The following RPH3A variants were observed in gnomAD, a reference collection of about 807,000 sequenced individuals.
RPH3A encodes the protein rabphilin-3A.
A neutral mutation model predicts 102.2 loss-of-function variants in RPH3A; 48 were observed. That is an observed-to-expected ratio of 0.47 (90% CI 0.37 to 0.60). The LOEUF is 0.60. Among genes scored for constraint, RPH3A ranks in the 20% least tolerant of loss-of-function variants. The pLI is 0.00. For synonymous variants in RPH3A, 310 were observed against 324.3 expected, an observed-to-expected ratio of 0.96 and a Z score of 0.47; for missense variants, 781 against 910.1, an observed-to-expected ratio of 0.86 and a Z score of 1.83.
At chr12:112,618,735 T>C (rs1187356162) in intron 1 of RPH3A, among the ~76,000 whole-genome samples, 2 of 152,232 alleles carry the variant, frequency 1.3e-5, no homozygotes, top group African/African-American at 4.8e-5. Context: ...AATTTGTCCA[T>C]GTAAAGCGAG....
chr12:112,735,652 C>A (rs1239149366), intron 1 of RPH3A, among the ~76,000 whole-genome samples: 1 of 152,136 alleles, frequency 6.6e-6, no homozygotes, highest in African/African-American at 2.4e-5. Flanking sequence ...CTTGAGCCTG[C>A]CAGAGTTAGG....
rs2136237963 is a variant in RPH3A, at chr12:112,876,824, G to A, written c.1129G>A (p.Glu377Lys). 6.2e-7 allele frequency: 1 copy of A among 1,609,112 alleles called. No individual in the cohort carries two copies. Among genetic ancestry groups the A allele is most frequent in the East Asian group, 2.2e-5 (1 of 44,662 alleles). The change falls in exon 13 of 22, where the codon GAG becomes AAG. Residue 377 changes from glutamate (E) to lysine (K), a missense_variant. This residue lies in a region of RPH3A where 730 missense variants were observed against 810.0 expected (regional missense o/e 0.90). Transcript: ENST00000389385. ...AGCCCGCCAGCCACCACCCCCAGAG[G>A]AGGAGGAAGAGGAAGCCAACAGCTA... is the stretch of plus-strand genomic sequence containing the variant. ...AAARQPPPPE[E>K]EEEEANSYDS... is the part of the protein sequence containing the mutation.
chr12:112,705,006 G>C (rs2040418906), intron 1 of RPH3A, among the ~76,000 whole-genome samples: 1 of 152,170 alleles, frequency 6.6e-6, no homozygotes, highest in Non-Finnish European at 1.5e-5. Flanking sequence ...TAGGTAGTTT[G>C]CTTCTGTCTC....
intron 1 of RPH3A, among the ~76,000 whole-genome samples, chr12:112,663,167 G>A (rs1473609299): frequency 1.3e-5 from 2 of 151,808 alleles, no homozygotes; most frequent in Non-Finnish European, 2.9e-5. Flanking sequence ...TGATCTGAGT[G>A]AAACATATAC....
chr12:112,781,247 G>T (rs1232275839), intron 1 of RPH3A, among the ~76,000 whole-genome samples: 1 of 152,094 alleles, frequency 6.6e-6, no homozygotes, highest in East Asian at 1.9e-4. Flanking sequence ...GAACTTACCT[G>T]GTTCCCTTGG....
chr12:112,843,194 C>T (rs554605286), intron 4 of RPH3A, among the ~76,000 whole-genome samples: 45 of 152,310 alleles, frequency 3.0e-4, no homozygotes, highest in Non-Finnish European at 6.0e-4. Context: ...GTGCCCACAT[C>T]GCTCCTCGAC....
chr12:112,663,350 C>T (rs1271655874), intron 1 of RPH3A, among the ~76,000 whole-genome samples: 2 of 151,902 alleles, frequency 1.3e-5, no homozygotes, highest in African/African-American at 4.8e-5. Flanking sequence ...GCTGGCACTA[C>T]AGGTGTGTGT....
chr12:112,677,210 G>A lies in RPH3A; in HGVS notation c.-140+101891G>A, dbSNP rs142075772. Among the ~76,000 whole-genome samples, 37 of 152,294 alleles carry A rather than the reference G, an allele frequency of 2.4e-4. No individual in the cohort carries two copies. The East Asian group carries it at 7.1e-3, about 29-fold the overall frequency. On this transcript the variant is annotated intron_variant, in intron 1 of 21. Coordinates refer to the RPH3A transcript ENST00000543106. ...TGTGGAACAGGCCTTGCTTACAAGT[G>A]CGGCAAACAGGACCCAGCTCTCATC... is the stretch of plus-strand genomic sequence containing the variant.
chr12:112,787,096 C>G (rs2041056546), upstream of RPH3A, among the ~76,000 whole-genome samples: 2 of 152,198 alleles, frequency 1.3e-5, no homozygotes, highest in African/African-American at 4.8e-5. Flanking sequence ...CCTTTCCTCT[C>G]TGACTCTGGC....
At chr12:112,831,659 C>T (rs982308586) in intron 3 of RPH3A, 2 of 339,292 alleles carry the variant, frequency 5.9e-6, no homozygotes, top group Non-Finnish European at 5.9e-6. Context: ...TCCTGAAGTA[C>T]AGCTTTTCAT....
At chr12:112,891,563 A>T (rs1209780435) in intron 19 of RPH3A, among the ~76,000 whole-genome samples, 1 of 152,222 alleles carries the variant, frequency 6.6e-6, no homozygotes, top group Non-Finnish European at 1.5e-5. Flanking sequence ...GGAAGTCTGC[A>T]GGGAGTCAGG....
Position 112,761,446 on chromosome 12 carries a change from G to A in RPH3A, c.-139-30697G>A, listed in dbSNP as rs376916345. Among the ~76,000 whole-genome samples, 12 of 152,372 alleles carry A rather than the reference G, an allele frequency of 7.9e-5. No homozygotes were observed. The East Asian group carries it at 1.7e-3, about 22-fold the overall frequency. On this transcript the variant is annotated intron_variant, in intron 1 of 21. Coordinates refer to the RPH3A transcript ENST00000543106. ...GCAATCCCCCTCTTTCTGCCAGCAG[G>A]CAACACTATGGTGTGAGCCCTGTTC...
At position 112,712,993 on chromosome 12, in the gene RPH3A, G is replaced by GTCTTCCTCTTCCTCTTCC. The variant is rs200802149; in HGVS notation, c.-139-79132_-139-79115dup. Among the ~76,000 whole-genome samples the GTCTTCCTCTTCCTCTTCC allele has an allele frequency of 2.5e-4, 15 of 59,012 alleles. 2 individuals are homozygous for GTCTTCCTCTTCCTCTTCC. In the Middle Eastern group the frequency reaches 0.023, roughly 91 times the overall value. The allele number at this position is 59,012 out of a possible 152,430, so 38.7% of individuals were successfully genotyped here. A position where few individuals can be genotyped will look rare whatever the true frequency, so the allele number is the denominator to read the frequency against. On this transcript the variant is annotated intron_variant, in intron 1 of 21. Coordinates refer to the RPH3A transcript ENST00000543106. ...TTCTTCTTTCTTCTTCGTCGTCTTTGTCTTCCTCTTCCTCTTCCTCTTCCT... is the reference window on the plus strand; with the variant it reads ...TTCTTCTTTCTTCTTCGTCGTCTTTGTCTTCCTCTTCCTCTTCCTCTTCCTCTTCCTCTTCCTCTTCCT...
intron 5 of RPH3A, among the ~76,000 whole-genome samples, chr12:112,851,794 G>A (rs1162238860): frequency 1.3e-5 from 2 of 152,058 alleles, no homozygotes; most frequent in Non-Finnish European, 2.9e-5. Flanking sequence ...ACCTCATTTT[G>A]CCCCCACATT....
At chr12:112,589,373 C>T (rs2039460265) in intron 1 of RPH3A, among the ~76,000 whole-genome samples, 2 of 152,180 alleles carry the variant, frequency 1.3e-5, no homozygotes, top group Admixed American at 1.3e-4. Context: ...CAACTCTGCT[C>T]CTGCAACAAA....
intron 1 of RPH3A, among the ~76,000 whole-genome samples, chr12:112,734,595 C>T (rs1565864762): frequency 2.0e-5 from 3 of 152,198 alleles, no homozygotes; most frequent in African/African-American, 7.2e-5. Context: ...ATGGCTACTC[C>T]ATAGGCAGAG....
At chr12:112,682,341 T>C (rs2040232688) in intron 1 of RPH3A, among the ~76,000 whole-genome samples, 1 of 118,554 alleles carries the variant, frequency 8.4e-6, no homozygotes, top group Non-Finnish European at 1.7e-5. Context: ...CGAATTTGTC[T>C]TTTTTCTTTC....
At chr12:112,599,193 A>T (rs2039539497) in intron 1 of RPH3A, among the ~76,000 whole-genome samples, 1 of 152,144 alleles carries the variant, frequency 6.6e-6, no homozygotes. Context: ...TTAACTTTCG[A>T]TTCATGTGGC....
chr12:112,812,791 T>C (rs895214390), intron 2 of RPH3A, among the ~76,000 whole-genome samples: 2 of 152,224 alleles, frequency 1.3e-5, no homozygotes, highest in Non-Finnish European at 2.9e-5. Flanking sequence ...GTGTATGTGC[T>C]ACTGTCTATG....
Sources: allele counts gnomAD v4.1 joint callset (sites outside exome capture counted in the v4.1 genomes callset), GRCh38; gene constraint gnomAD v4.1.1; regional missense constraint gnomAD v4.1.1; transcripts MANE v1.5; gene names NCBI Gene and HGNC (gene_info 2026-07-23, HGNC 2026-07-21).